Variants in STAR observed in about 807,000 individuals in gnomAD.
STAR encodes steroidogenic acute regulatory protein, mitochondrial.
Under a neutral mutation model 32.3 loss-of-function variants are expected in STAR, and 32 were observed. The ratio of observed to expected loss-of-function variants is 0.99; its 90% CI spans 0.75 to 1.33. The LOEUF (loss-of-function observed/expected upper bound fraction) is 1.33. Ranked by LOEUF, STAR falls within the 40% of genes most tolerant of loss-of-function variation. The pLI is 0.00. For synonymous variants in STAR, 134 were observed against 140.5 expected, an observed-to-expected ratio of 0.95 and a Z score of 0.33; for missense variants, 375 against 379.0, an observed-to-expected ratio of 0.99 and a Z score of 0.09.
rs1219582262 is a variant in STAR, at chr8:38,145,216, C to T, written c.744+6G>A. 13 of 1,613,986 alleles carry T rather than the reference C, an allele frequency of 8.1e-6. No individual in the cohort carries two copies. Among genetic ancestry groups the T allele is most frequent in the Non-Finnish European group, 1.1e-5 (13 of 1,180,020 alleles). Reference sequence around the variant, plus strand: ...GCCTTCCAGGTCCCCCTCCCATGCCCTTCACCTTGAGGTCGATGCTGAGTA... The same window carrying T: ...GCCTTCCAGGTCCCCCTCCCATGCCTTTCACCTTGAGGTCGATGCTGAGTA... On this transcript the variant is annotated splice_donor_region_variant and intron_variant, in intron 6 of 6. Transcript: ENST00000276449.
intron 3 of STAR, among the ~76,000 whole-genome samples, chr8:38,147,876 G>A (rs545432801): frequency 6.6e-6 from 1 of 152,338 alleles, no homozygotes; most frequent in Non-Finnish European, 1.5e-5. Flanking sequence ...CTTTGGCATC[G>A]TTGGGATATC....
At position 38,146,163 on chromosome 8, in the gene STAR, G is replaced by A; in HGVS notation, c.466-16C>T. The stretch of plus-strand genomic sequence containing the variant: ...TCTGCAGGACCTACCAGGCCATGGG[G>A]AACCAGAATCACGACTCAGCCTGTG... On this transcript the variant is annotated splice_polypyrimidine_tract_variant and intron_variant, in intron 4 of 6. Coordinates refer to ENST00000276449, the MANE Select transcript of STAR (RefSeq NM_000349.3). The A allele has an allele frequency of 6.2e-7, 1 of 1,613,720 alleles. No individual in the cohort carries two copies. The highest frequency in any genetic ancestry group is 1.1e-5 in the South Asian group (1 of 91,038).
intron 1 of STAR, 114 bp downstream of exon 1, chr8:38,150,641 A>G: frequency 6.5e-7 from 1 of 1,533,440 alleles, no homozygotes; most frequent in Non-Finnish European, 8.9e-7. Context: ...GAAGGGAAGA[A>G]ACTTGCCCAG....
intron 3 of STAR, among the ~76,000 whole-genome samples, chr8:38,146,695 A>C (rs1802579771): frequency 6.6e-6 from 1 of 151,884 alleles, no homozygotes; most frequent in Non-Finnish European, 1.5e-5. Flanking sequence ...GAATTGCTTG[A>C]ACCTGCACGG....
In STAR at chr8:38,144,062, G is replaced by T. The variant is rs1276699000; in HGVS notation, c.*211C>A. On this transcript the variant is annotated 3_prime_UTR_variant, in exon 7 of 7. Coordinates refer to ENST00000276449, the MANE Select transcript of STAR (RefSeq NM_000349.3). ...ATGTCATAGCTAATCAGTGAATGAA[G>T]TTACCTTTTAATCCAAGAGCCTCAT... 3.5e-6 allele frequency: 2 copies of T among 574,580 alleles called. No homozygotes were observed. Among genetic ancestry groups the T allele is most frequent in the African/African-American group, 3.7e-5 (2 of 53,786 alleles). The allele number at this position is 574,580 out of a possible 1,614,324, so 35.6% of individuals were successfully genotyped here.
Position 38,148,647 on chromosome 8 carries a change from G to C in STAR, c.172C>G (p.Leu58Val), listed in dbSNP as rs1161698806. Reference protein sequence around the residue: ...WINQVRRRSSLLGSRLEETLY... With the variant: ...WINQVRRRSSVLGSRLEETLY... Reference sequence around the variant, plus strand: ...CAGAAGCCTCAGCACTTACCGAGTAGAGAGCTCCGCCGCCGAACCTGGTTA... The same window carrying C: ...CAGAAGCCTCAGCACTTACCGAGTACAGAGCTCCGCCGCCGAACCTGGTTA... The change falls in exon 2 of 7, where the codon CTA becomes GTA. Residue 58 changes from leucine (L) to valine (V), a missense_variant. Physicochemically the swap from Leu to Val is conservative, Grantham distance 32. Coordinates refer to ENST00000276449, the MANE Select transcript of STAR (RefSeq NM_000349.3). The C allele has an allele frequency of 6.2e-7, 1 of 1,614,070 alleles. No homozygotes were observed.
intron 3 of STAR, among the ~76,000 whole-genome samples, chr8:38,146,900 G>A (rs1802583949): frequency 6.6e-6 from 1 of 151,886 alleles, no homozygotes; most frequent in Non-Finnish European, 1.5e-5. Context: ...TCCTAAGATA[G>A]AGTCGGTAAT....
Position 38,150,766 on chromosome 8 carries a change from C to T in STAR, c.53G>A (p.Arg18His), listed in dbSNP as rs1294620277. 4 of 1,607,336 alleles carry T rather than the reference C, an allele frequency of 2.5e-6. No homozygotes were observed. Among genetic ancestry groups the T allele is most frequent in the Admixed American group, 3.3e-5 (2 of 60,016 alleles). ...CCCGCAGCGCTCACCCTTCATGTTG[C>T]GCATGTGTCTGTAGGAGCTCCCAGC... ...LCAGSSYRHMRNMKGLRQQAV... is the reference protein window; with the variant it reads ...LCAGSSYRHMHNMKGLRQQAV... Residue 18 changes from arginine to histidine, a missense_variant, in exon 1 of 7, where the codon CGC (arginine) becomes CAC (histidine). Transcript: ENST00000276449.
Position 38,146,338 on chromosome 8 carries a change from T to A in STAR, c.416A>T (p.Glu139Val). The change falls in exon 4 of 7, where the codon GAG becomes GTG. Residue 139 changes from glutamate to valine, a missense_variant. Physicochemically the swap from Glu to Val is moderately radical, Grantham distance 121 (BLOSUM62 -2). Transcript: ENST00000276449. Reference protein sequence around the residue: ...PMERLYEELVERMEAMGEWNP... With the variant: ...PMERLYEELVVRMEAMGEWNP... ...CCACTCCCCCATTGCTTCCATGCGC[T>A]CCACGAGCTCTTCATAGAGCCTCTC... is the stretch of plus-strand genomic sequence containing the variant. The A allele has an allele frequency of 1.2e-6, 2 of 1,614,096 alleles. No homozygotes were observed. The highest frequency in any genetic ancestry group is 1.7e-6 in the Non-Finnish European group (2 of 1,180,006).
chr8:38,149,422 C>A (rs1225023590), intron 1 of STAR, among the ~76,000 whole-genome samples: 2 of 152,184 alleles, frequency 1.3e-5, no homozygotes, highest in African/African-American at 2.4e-5. Flanking sequence ...ATTCAAATGA[C>A]CTTGGATGCG....
intron 6 of STAR, chr8:38,144,978 C>T: frequency 7.5e-7 from 1 of 1,327,654 alleles, no homozygotes. Flanking sequence ...CATTGTACTC[C>T]AGCCTGAGTG....
chr8:38,144,790 C>G (rs1420169629), intron 6 of STAR: 2 of 606,502 alleles, frequency 3.3e-6, no homozygotes, highest in Non-Finnish European at 4.8e-6. Flanking sequence ...GCAGGCAGAT[C>G]ACGAGGTCAG....
rs1234376885 is a variant in STAR, at chr8:38,146,167, C to G, written c.466-20G>C. 1.2e-6 allele frequency: 2 copies of G among 1,613,748 alleles called. No homozygotes were observed. Among genetic ancestry groups the G allele is most frequent in the South Asian group, 2.2e-5 (2 of 91,046 alleles). On this transcript the variant is annotated intron_variant, in intron 4 of 6. Transcript: ENST00000276449. ...CAGGACCTACCAGGCCATGGGGAAC[C>G]AGAATCACGACTCAGCCTGTGTTGG...
rs779430429 is a variant in STAR, at chr8:38,144,086, A to G, written c.*187T>C. On this transcript the variant is annotated 3_prime_UTR_variant, in exon 7 of 7. Transcript: ENST00000276449. ...AGTTACCTTTTAATCCAAGAGCCTCATCCCTGTTTTCTTGGTACTAAAAAC... is the reference window on the plus strand; with the variant it reads ...AGTTACCTTTTAATCCAAGAGCCTCGTCCCTGTTTTCTTGGTACTAAAAAC... 3.1e-4 allele frequency: 199 copies of G among 645,466 alleles called. No homozygotes were observed. The highest frequency in any genetic ancestry group is 2.9e-4 in the Non-Finnish European group (103 of 353,714). The allele number at this position is 645,466 out of a possible 1,614,324, so 40.0% of individuals were successfully genotyped here. A position where few individuals can be genotyped will look rare whatever the true frequency, so the allele number is the denominator to read the frequency against.
Position 38,144,100 on chromosome 8 carries a change from G to T in STAR, c.*173C>A. The T allele has an allele frequency of 2.9e-6, 2 of 683,690 alleles. No homozygotes were observed. Among genetic ancestry groups the T allele is most frequent in the Non-Finnish European group, 5.2e-6 (2 of 381,662 alleles). The allele number at this position is 683,690 out of a possible 1,614,324, so 42.4% of individuals were successfully genotyped here. On this transcript the variant is annotated 3_prime_UTR_variant, in exon 7 of 7. Transcript: ENST00000276449. Reference sequence around the variant, plus strand: ...CCAAGAGCCTCATCCCTGTTTTCTTGGTACTAAAAACTTTCACCAATCTGA... The same window carrying T: ...CCAAGAGCCTCATCCCTGTTTTCTTTGTACTAAAAACTTTCACCAATCTGA...
At position 38,145,625 on chromosome 8, in the gene STAR, G is replaced by A. The variant is rs1802554810; in HGVS notation, c.651-310C>T. 6 of 555,704 alleles carry A rather than the reference G, an allele frequency of 1.1e-5. No homozygotes were observed. In the South Asian group the frequency reaches 1.2e-4, roughly 11 times the overall value. 34.4% of individuals were successfully genotyped at this position (555,704 alleles called of 1,614,324 possible). ...GGGGCCTTGGGAAATTCAGGAGGCT[G>A]TGGTGTACTGAGTGGTATGGATTAT... On this transcript the variant is annotated intron_variant, in intron 5 of 6. Transcript: ENST00000276449.
At chr8:38,148,106 T>C in intron 3 of STAR, 94 bp downstream of exon 3, 1 of 1,563,610 alleles carries the variant, frequency 6.4e-7, no homozygotes, top group Non-Finnish European at 8.7e-7. Flanking sequence ...GACTGCTGCA[T>C]GAGACAGGAA....
rs534530951 is a variant in STAR, at chr8:38,145,201, T to A, written c.744+21A>T. On this transcript the variant is annotated intron_variant, in intron 6 of 6. Transcript: ENST00000276449. ...TTCTCACTACCACCTGCCTTCCAGG[T>A]CCCCCTCCCATGCCCTTCACCTTGA... 2.5e-6 allele frequency: 4 copies of A among 1,613,440 alleles called. No individual in the cohort carries two copies. The South Asian group carries it at 3.3e-5, about 13-fold the overall frequency.
At chr8:38,145,127 TAGAAG>T in intron 6 of STAR, 90 bp downstream of exon 6, 1 of 1,578,016 alleles carries the variant, frequency 6.3e-7, no homozygotes, top group Non-Finnish European at 8.6e-7. Context: ...TCTATCAGAA[TAGAAG>T]AGGATTCTTT....
Sources: allele counts gnomAD v4.1 joint callset (sites outside exome capture counted in the v4.1 genomes callset), GRCh38; gene constraint gnomAD v4.1.1; transcripts MANE v1.5; gene names NCBI Gene and HGNC (gene_info 2026-07-23, HGNC 2026-07-21).